Variants in MSR1 observed in about 807,000 individuals in gnomAD.
The protein encoded by MSR1 is macrophage scavenger receptor 1.
Under a neutral mutation model 47.2 loss-of-function variants are expected in MSR1, and 53 were observed. The observed-to-expected ratio is 1.12, with a 90% CI of 0.90 to 1.41. The LOEUF (loss-of-function observed/expected upper bound fraction) is 1.41, where lower values mean the gene tolerates loss of function less well. Ranked by LOEUF, MSR1 falls within the 40% of genes most tolerant of loss-of-function variation. The probability of loss-of-function intolerance (pLI) is 0.00; values close to 1 mark genes in which losing one functional copy is unlikely to be tolerated. For missense variants in MSR1, 786 were observed against 546.9 expected, an observed-to-expected ratio of 1.44 and a Z score of -4.36; for synonymous variants, 239 against 185.6, an observed-to-expected ratio of 1.29 and a Z score of -2.34.
At chr8:16,185,014 C>A (rs943498582) in intron 1 of MSR1, among the ~76,000 whole-genome samples, 1 of 152,052 alleles carries the variant, frequency 6.6e-6, no homozygotes, top group Non-Finnish European at 1.5e-5. Flanking sequence ...AACACTGAAG[C>A]ATACTCAGTG....
chr8:16,183,549 A>G (rs1801900075), intron 1 of MSR1, among the ~76,000 whole-genome samples: 1 of 145,766 alleles, frequency 6.9e-6, no homozygotes, highest in Admixed American at 7.1e-5. Context: ...ATTTATATAT[A>G]CATTATATAA....
intron 7 of MSR1, among the ~76,000 whole-genome samples, chr8:16,149,216 G>A (rs538215332): frequency 1.4e-4 from 21 of 152,124 alleles, no homozygotes; most frequent in African/African-American, 5.1e-4. Context: ...GTTTATTAAT[G>A]GTTACATATA....
chr8:16,143,444 G>T (rs930210966), intron 8 of MSR1, 114 bp downstream of exon 8: 5 of 823,832 alleles, frequency 6.1e-6, no homozygotes, highest in Non-Finnish European at 2.0e-6. Context: ...CTTCCATAGA[G>T]TCTGTATGGA....
At chr8:16,156,918 T>C (rs1242908580) in intron 5 of MSR1, among the ~76,000 whole-genome samples, 4 of 151,986 alleles carry the variant, frequency 2.6e-5, no homozygotes, top group East Asian at 1.9e-4. Flanking sequence ...AATGGAGTTA[T>C]GGTAACTTCC....
chr8:16,154,546 A>G (rs1299421684), intron 6 of MSR1, among the ~76,000 whole-genome samples: 4 of 151,986 alleles, frequency 2.6e-5, no homozygotes, highest in Middle Eastern at 3.2e-3. Flanking sequence ...TTCAGATTTC[A>G]TTAGTTTAAA....
intron 1 of MSR1, among the ~76,000 whole-genome samples, chr8:16,179,673 A>G (rs958351702): frequency 6.6e-6 from 1 of 151,992 alleles, no homozygotes; most frequent in East Asian, 1.9e-4. Flanking sequence ...TGAGGTCAGG[A>G]TTTCGAGACC....
At chr8:16,124,116 T>C (rs1001533860) in intron 8 of MSR1, among the ~76,000 whole-genome samples, 4 of 152,170 alleles carry the variant, frequency 2.6e-5, no homozygotes, top group African/African-American at 7.2e-5. Context: ...GTTTCTAAAA[T>C]ATCCAGGGAA....
chr8:16,115,115 G>A (rs940933990), intron 9 of MSR1, among the ~76,000 whole-genome samples: 15 of 152,090 alleles, frequency 9.9e-5, no homozygotes, highest in African/African-American at 3.6e-4. Context: ...GGAGGCAGAG[G>A]TTGCGGTGAG....
At chr8:16,173,884 C>T (rs1389463673) in intron 3 of MSR1, among the ~76,000 whole-genome samples, 3 of 152,068 alleles carry the variant, frequency 2.0e-5, no homozygotes, top group Admixed American at 6.5e-5. Context: ...CTCCTGACCT[C>T]GTGATCTGCC....
intron 1 of MSR1, among the ~76,000 whole-genome samples, chr8:16,183,651 T>A (rs1372018493): frequency 7.0e-6 from 1 of 141,974 alleles, no homozygotes; most frequent in Non-Finnish European, 1.5e-5. Context: ...ATAAATATAT[T>A]ATCATATTAA....
At chr8:16,129,564 A>C (rs1445328848) in intron 8 of MSR1, among the ~76,000 whole-genome samples, 1 of 152,072 alleles carries the variant, frequency 6.6e-6, no homozygotes, top group Non-Finnish European at 1.5e-5. Context: ...TGGGCAAGAC[A>C]GCAAAACCCC....
intron 5 of MSR1, among the ~76,000 whole-genome samples, chr8:16,161,783 T>C (rs1801170026): frequency 6.6e-6 from 1 of 152,054 alleles, no homozygotes; most frequent in South Asian, 2.1e-4. Flanking sequence ...GGACTTGTTT[T>C]TATTCTTTTT....
At chr8:16,124,973 G>C (rs565222555) in intron 8 of MSR1, among the ~76,000 whole-genome samples, 4 of 152,246 alleles carry the variant, frequency 2.6e-5, no homozygotes, top group African/African-American at 7.2e-5. Flanking sequence ...GTTTCTATGA[G>C]TAGAAACAGA....
intron 6 of MSR1, among the ~76,000 whole-genome samples, chr8:16,154,164 A>C (rs1800937373): frequency 6.6e-6 from 1 of 151,920 alleles, no homozygotes; most frequent in Admixed American, 6.6e-5. Context: ...TAGTCAATAC[A>C]CTGATCAGAA....
Position 16,182,559 on chromosome 8 carries a change from CTTTT to C in MSR1, c.-4-4571_-4-4568del, listed in dbSNP as rs34893061. 6.8e-5 allele frequency among the ~76,000 whole-genome samples: 10 copies of C among 146,484 alleles called. No homozygotes were observed. The South Asian group carries it at 1.3e-3, about 19-fold the overall frequency. On this transcript the variant is annotated intron_variant, in intron 1 of 9. Transcript: ENST00000262101. ...AGCTTTATCCTATAAGCTATTTTAA[CTTTT>C]TTTTTTTTTAATGTTTCTACTTCTT...
intron 8 of MSR1, among the ~76,000 whole-genome samples, chr8:16,132,435 CAGAT>C (rs2117087243): frequency 6.6e-6 from 1 of 152,138 alleles, no homozygotes; most frequent in Admixed American, 6.5e-5. Context: ...TGTCTGCAAA[CAGAT>C]AGTTTGACTT....
Position 16,163,245 on chromosome 8 carries a change from C to A in MSR1, c.817+820G>T, listed in dbSNP as rs34425936. Among the ~76,000 whole-genome samples, 283 of 151,808 alleles carry A rather than the reference C, an allele frequency of 1.9e-3. 7 individuals carry two copies. In the East Asian group the frequency reaches 0.049, roughly 26 times the overall value. ...GAAACATAAAATAAACTGGAAAAAACCAGAGCACATGATAAGATAGTGGAA... is the reference window on the plus strand; with the variant it reads ...GAAACATAAAATAAACTGGAAAAAAACAGAGCACATGATAAGATAGTGGAA... On this transcript the variant is annotated intron_variant, in intron 5 of 9. Transcript: ENST00000262101.
intron 7 of MSR1, among the ~76,000 whole-genome samples, chr8:16,144,586 T>C (rs1383973876): frequency 6.6e-6 from 1 of 152,102 alleles, no homozygotes; most frequent in African/African-American, 2.4e-5. Context: ...AACCCCTGTG[T>C]TGAGTTATTT....
At chr8:16,175,956 G>A (rs2117204100) in intron 2 of MSR1, among the ~76,000 whole-genome samples, 1 of 151,714 alleles carries the variant, frequency 6.6e-6, no homozygotes, top group Middle Eastern at 3.6e-3. Context: ...CATTTATATG[G>A]CACTGTGATT....
Sources: allele counts gnomAD v4.1 joint callset (sites outside exome capture counted in the v4.1 genomes callset), GRCh38; gene constraint gnomAD v4.1.1; transcripts MANE v1.5; gene names NCBI Gene and HGNC (gene_info 2026-07-23, HGNC 2026-07-21).